PSMD14: variants seen among roughly 807,000 people sequenced by gnomAD.
PSMD14 encodes the protein ubiquitin C-terminal hydrolase PSMD14.
PSMD14 carries 7 observed loss-of-function variants against 41.2 expected under a neutral mutation model. The observed-to-expected ratio is 0.17, with a 90% CI of 0.10 to 0.32. PSMD14 has a LOEUF of 0.32. PSMD14 is among the 10% of genes least tolerant of loss of function. The pLI is 1.00. For synonymous variants in PSMD14, 114 were observed against 122.3 expected, an observed-to-expected ratio of 0.93 and a Z score of 0.45; for missense variants, 139 against 375.6, an observed-to-expected ratio of 0.37 and a Z score of 5.21.
Position 161,320,794 on chromosome 2 carries a change from C to T in PSMD14, c.48+1921C>T, listed in dbSNP as rs143307664. On this transcript the variant is annotated intron_variant, in intron 3 of 11. Transcript: ENST00000409682. ...AGGCTGGAATGCAATGGCATGATCTCGGTTCACTGTACCCTCTGCCTCCTG... is the reference window on the plus strand; with the variant it reads ...AGGCTGGAATGCAATGGCATGATCTTGGTTCACTGTACCCTCTGCCTCCTG... Among the ~76,000 whole-genome samples, 22 of 152,114 alleles carry T rather than the reference C, an allele frequency of 1.4e-4. No homozygotes were observed. The East Asian group carries it at 3.1e-3, about 21-fold the overall frequency.
intron 1 of PSMD14, among the ~76,000 whole-genome samples, chr2:161,309,848 A>G (rs1292898084): frequency 1.3e-5 from 2 of 151,862 alleles, no homozygotes; most frequent in Non-Finnish European, 2.9e-5. Context: ...AGTGCTTGGT[A>G]AATAATACAT....
At chr2:161,351,515 A>G (rs1245651065) in intron 3 of PSMD14, among the ~76,000 whole-genome samples, 3 of 152,176 alleles carry the variant, frequency 2.0e-5, no homozygotes, top group African/African-American at 7.2e-5. Flanking sequence ...TGTTCTCTGT[A>G]AAGGAAAGCC....
At chr2:161,397,430 G>A (rs1683816306) in intron 10 of PSMD14, among the ~76,000 whole-genome samples, 1 of 152,168 alleles carries the variant, frequency 6.6e-6, no homozygotes, top group African/African-American at 2.4e-5. Flanking sequence ...CAGTAGTATG[G>A]TAGTACCATT....
intron 1 of PSMD14, among the ~76,000 whole-genome samples, chr2:161,311,316 G>C (rs1211216008): frequency 3.4e-5 from 5 of 146,670 alleles, no homozygotes; most frequent in Admixed American, 6.8e-5. Flanking sequence ...CTCAAAAAAG[G>C]AAAAAAAAAA....
intron 1 of PSMD14, among the ~76,000 whole-genome samples, chr2:161,312,195 G>A (rs1161254279): frequency 6.6e-6 from 1 of 151,410 alleles, no homozygotes; most frequent in African/African-American, 2.4e-5. Flanking sequence ...CCAGGCTGGA[G>A]TGCGGTGGCG....
intron 3 of PSMD14, among the ~76,000 whole-genome samples, chr2:161,342,908 A>T (rs1574123035): frequency 6.6e-6 from 1 of 152,292 alleles, no homozygotes; most frequent in Middle Eastern, 3.4e-3. Context: ...TCTTTAACTT[A>T]CCATAGTCTA....
chr2:161,371,699 A>G (rs1311808654), intron 7 of PSMD14, among the ~76,000 whole-genome samples: 5 of 152,152 alleles, frequency 3.3e-5, no homozygotes, highest in African/African-American at 1.2e-4. Context: ...CATTTTAAAA[A>G]TCTATTTAAA....
intron 10 of PSMD14, among the ~76,000 whole-genome samples, chr2:161,398,189 G>A (rs1422800179): frequency 6.6e-6 from 1 of 151,972 alleles, no homozygotes; most frequent in Non-Finnish European, 1.5e-5. Flanking sequence ...TCCAAATTTG[G>A]GAATGTAATT....
At chr2:161,309,307 CT>C (rs1243669423) in intron 1 of PSMD14, among the ~76,000 whole-genome samples, 3 of 152,052 alleles carry the variant, frequency 2.0e-5, no homozygotes, top group African/African-American at 7.3e-5. Flanking sequence ...AGAATGTAAA[CT>C]TTTGAGTCTA....
At chr2:161,319,564 T>TA (rs1689181460) in intron 3 of PSMD14, among the ~76,000 whole-genome samples, 1 of 152,182 alleles carries the variant, frequency 6.6e-6, no homozygotes, top group Non-Finnish European at 1.5e-5. Flanking sequence ...GAGTTAATAC[T>TA]AATTAACAAA....
intron 10 of PSMD14, among the ~76,000 whole-genome samples, chr2:161,395,477 CT>C (rs1683780068): frequency 6.6e-6 from 1 of 152,178 alleles, no homozygotes; most frequent in Non-Finnish European, 1.5e-5. Flanking sequence ...TTGCCAACTC[CT>C]GTTGTAGACC....
chr2:161,404,533 C>T (rs779941719), intron 10 of PSMD14, among the ~76,000 whole-genome samples: 7 of 152,144 alleles, frequency 4.6e-5, no homozygotes, highest in Non-Finnish European at 8.8e-5. Flanking sequence ...CTCTCCCTTC[C>T]TTGAGGCTAA....
chr2:161,387,261 T>C (rs1683646343), intron 8 of PSMD14, among the ~76,000 whole-genome samples: 1 of 152,046 alleles, frequency 6.6e-6, no homozygotes, highest in East Asian at 1.9e-4. Context: ...TTCTTATTTT[T>C]CTAAGACAAG....
At chr2:161,331,424 A>G (rs1682789486) in intron 3 of PSMD14, among the ~76,000 whole-genome samples, 1 of 151,854 alleles carries the variant, frequency 6.6e-6, no homozygotes, top group Non-Finnish European at 1.5e-5. Context: ...CACCAGGGCT[A>G]ATTTTTTGTA....
chr2:161,409,339 G>T (rs1683995151), intron 11 of PSMD14, among the ~76,000 whole-genome samples: 1 of 152,118 alleles, frequency 6.6e-6, no homozygotes, highest in African/African-American at 2.4e-5. Flanking sequence ...TTAAGTATTT[G>T]CTCTTTCACT....
intron 9 of PSMD14, among the ~76,000 whole-genome samples, chr2:161,391,501 A>G (rs1369303709): frequency 6.6e-6 from 1 of 152,162 alleles, no homozygotes; most frequent in African/African-American, 2.4e-5. Context: ...TTCAATAAAA[A>G]GGCCTTTTGT....
intron 3 of PSMD14, among the ~76,000 whole-genome samples, chr2:161,341,898 T>C (rs1426382547): frequency 6.7e-6 from 1 of 150,024 alleles, no homozygotes; most frequent in Non-Finnish European, 1.5e-5. Flanking sequence ...ATTTGTGTTA[T>C]AAATTATATT....
At chr2:161,340,139 G>A (rs1682928671) in intron 3 of PSMD14, among the ~76,000 whole-genome samples, 1 of 152,124 alleles carries the variant, frequency 6.6e-6, no homozygotes, top group Admixed American at 6.5e-5. Flanking sequence ...GAGCTGGTAA[G>A]AACCTCAGTG....
At chr2:161,345,281 C>T in intron 3 of PSMD14, among the ~76,000 whole-genome samples, 1 of 122,954 alleles carries the variant, frequency 8.1e-6, no homozygotes, top group Admixed American at 9.7e-5. Flanking sequence ...CTTGCTCTGT[C>T]ACCCAGGCTG....
Sources: allele counts gnomAD v4.1 joint callset (sites outside exome capture counted in the v4.1 genomes callset), GRCh38; gene constraint gnomAD v4.1.1; transcripts MANE v1.5; gene names NCBI Gene and HGNC (gene_info 2026-07-23, HGNC 2026-07-21).